The following SLC35A5 variants were observed in gnomAD, a reference collection of about 807,000 sequenced individuals.
SLC35A5 encodes solute carrier family 35 member A5, also known as UDP-sugar transporter protein SLC35A5.
Under a neutral mutation model 36.3 loss-of-function variants are expected in SLC35A5, and 28 were observed. That is an observed-to-expected ratio of 0.77 (90% confidence interval 0.57 to 1.06). The LOEUF (loss-of-function observed/expected upper bound fraction) is 1.06, where lower values mean the gene tolerates loss of function less well. SLC35A5 is among the 50% of genes least tolerant of loss of function. The pLI, the probability that SLC35A5 is intolerant of heterozygous loss-of-function variation, is 0.00. For missense variants in SLC35A5, 521 were observed against 499.3 expected (o/e 1.04, Z -0.41); for synonymous variants, 180 against 173.7 (o/e 1.04, Z -0.29).
At chr3:112,567,357 G>A (rs769298637) in intron 2 of SLC35A5, among the ~76,000 whole-genome samples, 29 of 150,846 alleles carry the variant, frequency 1.9e-4, no homozygotes, top group Non-Finnish European at 3.8e-4. Context: ...GCACTGGCGC[G>A]ATCTCAGCTC....
At chr3:112,561,541 G>A (rs1182522732), upstream of SLC35A5, 1 of 1,602,494 alleles carries the variant, frequency 6.2e-7, no homozygotes, top group Non-Finnish European at 8.5e-7. Flanking sequence ...TGGGGCCGGA[G>A]TAGCGGCCGG....
At position 112,583,419 on chromosome 3, in the gene SLC35A5, A is replaced by G. The variant is rs1935021375; in HGVS notation, c.*683A>G. Reference sequence around the variant, plus strand: ...TTTAAACATTGGTTCCCTAGTCACCATAGTTACCACTTGTATTTTAAGTCA... The same window carrying G: ...TTTAAACATTGGTTCCCTAGTCACCGTAGTTACCACTTGTATTTTAAGTCA... On this transcript the variant is annotated 3_prime_UTR_variant, in exon 7 of 7. Transcript: ENST00000492406. 1 of 302,770 alleles carries G rather than the reference A, an allele frequency of 3.3e-6. No individual in the cohort carries two copies. The highest frequency in any genetic ancestry group is 6.0e-6 in the Non-Finnish European group (1 of 165,976). 18.8% of individuals were successfully genotyped at this position (302,770 alleles called of 1,614,324 possible).
At chr3:112,563,316 C>T in intron 1 of SLC35A5, 69 bp from the exon 2 acceptor site, 1 of 1,338,930 alleles carries the variant, frequency 7.5e-7, no homozygotes, top group Non-Finnish European at 9.8e-7. Context: ...TTTTTGTCCT[C>T]ACGATCAATG....
intron 5 of SLC35A5, among the ~76,000 whole-genome samples, chr3:112,578,699 G>A (rs1400481334): frequency 1.3e-5 from 2 of 152,136 alleles, no homozygotes; most frequent in East Asian, 3.8e-4. Context: ...CCTTGAATGA[G>A]TAATTGTTTA....
At chr3:112,572,170 C>T (rs1484251820) in intron 4 of SLC35A5, among the ~76,000 whole-genome samples, 1 of 150,612 alleles carries the variant, frequency 6.6e-6, no homozygotes, top group Non-Finnish European at 1.5e-5. Context: ...TCTCGATCTC[C>T]TGACCTCATG....
intron 4 of SLC35A5, among the ~76,000 whole-genome samples, chr3:112,571,923 GTTTTTTTTTT>G (rs58561218): frequency 2.8e-4 from 15 of 53,854 alleles, no homozygotes; most frequent in South Asian, 1.1e-3. Context: ...ACTTTCCACA[GTTTTTTTTTT>G]TTTTTTTTTT....
chr3:112,569,126 A>G (rs1301741173), intron 2 of SLC35A5, 45 bp from the exon 3 acceptor site: 1 of 1,446,242 alleles, frequency 6.9e-7, no homozygotes, highest in Non-Finnish European at 9.7e-7. Context: ...ATAAACATAC[A>G]TGGAATAAAA....
rs184765964 is a variant in SLC35A5 at position 112,572,908 on chromosome 3, C to G, written c.361-981C>G. 7.1e-4 allele frequency among the ~76,000 whole-genome samples: 108 copies of G among 152,322 alleles called. 1 individual carries two copies. Among genetic ancestry groups the G allele is most frequent in the African/African-American group, 2.0e-3 (85 of 41,580 alleles). On this transcript the variant is annotated intron_variant, in intron 4 of 6. Transcript: ENST00000492406. ...TTCACAGCCACTTTCCTCTTTTCCT[C>G]TTACTCATCTCCTAACTAGGGGTTC...
chr3:112,582,554 C>T, intron 6 of SLC35A5, 117 bp from the exon 7 acceptor site: 1 of 633,584 alleles, frequency 1.6e-6, no homozygotes, highest in Non-Finnish European at 2.7e-6. Flanking sequence ...TTTAATTTGA[C>T]CAGATTATAT....
At chr3:112,578,881 T>A (rs1476836238) in intron 5 of SLC35A5, among the ~76,000 whole-genome samples, 1 of 152,224 alleles carries the variant, frequency 6.6e-6, no homozygotes, top group Non-Finnish European at 1.5e-5. Context: ...ACCCATTTTT[T>A]ATCTCTGTGG....
At chr3:112,561,416 G>A (rs1466104127), upstream of SLC35A5, 1 of 1,598,266 alleles carries the variant, frequency 6.3e-7, no homozygotes, top group Admixed American at 1.7e-5. Flanking sequence ...GAAAAGTCGA[G>A]CATGTGCCTG....
At chr3:112,570,148 C>T (rs1447810050) in intron 3 of SLC35A5, among the ~76,000 whole-genome samples, 6 of 151,554 alleles carry the variant, frequency 4.0e-5, no homozygotes, top group African/African-American at 1.5e-4. Flanking sequence ...ATATAAATTT[C>T]GATTTAGTAT....
chr3:112,581,870 A>G (rs1446332989), intron 6 of SLC35A5, among the ~76,000 whole-genome samples: 1 of 152,184 alleles, frequency 6.6e-6, no homozygotes, highest in Non-Finnish European at 1.5e-5. Flanking sequence ...TTATTTCACT[A>G]GAAAGGTAGT....
chr3:112,573,489 G>T (rs1352078746), intron 4 of SLC35A5, among the ~76,000 whole-genome samples: 1 of 152,096 alleles, frequency 6.6e-6, no homozygotes, highest in African/African-American at 2.4e-5. Context: ...CTATACTTCA[G>T]TTTTCTTACT....
chr3:112,572,704 G>A (rs1209019685), intron 4 of SLC35A5, among the ~76,000 whole-genome samples: 1 of 152,190 alleles, frequency 6.6e-6, no homozygotes, highest in Non-Finnish European at 1.5e-5. Context: ...TGAGCCTATT[G>A]AAGGAATTAA....
chr3:112,566,189 G>C (rs900966710), intron 2 of SLC35A5, among the ~76,000 whole-genome samples: 5 of 152,230 alleles, frequency 3.3e-5, no homozygotes, highest in African/African-American at 1.2e-4. Context: ...TTTGAATGCT[G>C]AGTGGATTGA....
chr3:112,571,629 C>T (rs984803479), intron 4 of SLC35A5, among the ~76,000 whole-genome samples: 2 of 152,170 alleles, frequency 1.3e-5, no homozygotes, highest in Middle Eastern at 3.2e-3. Flanking sequence ...TTCCACAAGG[C>T]TGGGGAGGCC....
chr3:112,573,811 A>G, intron 4 of SLC35A5, 78 bp from the exon 5 acceptor site: 3 of 1,197,932 alleles, frequency 2.5e-6, no homozygotes, highest in Non-Finnish European at 2.4e-6. Context: ...TTTTTTTGTC[A>G]GGTGAACTGC....
At chr3:112,580,129 G>A (rs1301112003) in intron 5 of SLC35A5, among the ~76,000 whole-genome samples, 3 of 152,098 alleles carry the variant, frequency 2.0e-5, no homozygotes, top group Admixed American at 6.5e-5. Context: ...TGCATAGGGG[G>A]AAATTCATCT....
Sources: gnomAD v4.1 joint callset for allele counts (sites outside exome capture counted in the v4.1 genomes callset) on GRCh38, gnomAD v4.1.1 for gene constraint, MANE v1.5 for transcripts, NCBI Gene and HGNC (gene_info 2026-07-23, HGNC 2026-07-21) for gene names.